The following FCGR2B variants were observed in gnomAD, a reference collection of about 807,000 sequenced individuals.
The protein encoded by FCGR2B is low affinity immunoglobulin gamma Fc region receptor II-b.
A neutral mutation model predicts 24.8 loss-of-function variants in FCGR2B; 18 were observed. That is an observed-to-expected ratio of 0.73 (90% confidence interval 0.50 to 1.08). The LOEUF (loss-of-function observed/expected upper bound fraction) is 1.08, where lower values mean the gene tolerates loss of function less well. Among genes scored for constraint, FCGR2B ranks in the 50% least tolerant of loss-of-function variants. The pLI, the probability that FCGR2B is intolerant of heterozygous loss-of-function variation, is 0.00. For synonymous variants in FCGR2B, 79 were observed against 109.8 expected (o/e 0.72, Z 1.75); for missense variants, 215 against 297.6 (o/e 0.72, Z 2.04).
At chr1:161,673,890 G>A (rs1176686338) in intron 4 of FCGR2B, 70 bp from the exon 5 acceptor site, 2 of 447,574 alleles carry the variant, frequency 4.5e-6, no homozygotes, top group African/African-American at 4.4e-5. Flanking sequence ...CAAGCACTAG[G>A]ACATAGCATT....
At position 161,673,256 on chromosome 1, in the gene FCGR2B, G is replaced by C; in HGVS notation, c.646+27G>C. On this transcript the variant is annotated intron_variant, in intron 4 of 7. Transcript: ENST00000358671. ...TATGCGGAGTCTGCCAAGATGTAAG[G>C]AGGGGAGAAGAGGGGATGGACAAGG... 4.5e-6 allele frequency: 7 copies of C among 1,539,066 alleles called. 1 individual carries two copies. Among genetic ancestry groups the C allele is most frequent in the Non-Finnish European group, 6.2e-6 (7 of 1,132,312 alleles).
At chr1:161,661,064 A>G (rs1330573540), upstream of FCGR2B, among the ~76,000 whole-genome samples, 1 of 44,708 alleles carries the variant, frequency 2.2e-5, no homozygotes, top group Non-Finnish European at 4.6e-5. Context: ...ACAGAGTGAG[A>G]CTCTGGCAAG....
intron 6 of FCGR2B, 163 bp from the exon 7 acceptor site, chr1:161,677,165 A>G (rs200347687): frequency 2.6e-5 from 18 of 702,762 alleles, no homozygotes; most frequent in African/African-American, 1.5e-4. Context: ...GCATCGATCA[A>G]TGAGGTCATA....
intron 2 of FCGR2B, among the ~76,000 whole-genome samples, 153 bp from the exon 3 acceptor site, chr1:161,671,239 A>G (rs1455868853): frequency 6.6e-6 from 1 of 152,094 alleles, no homozygotes; most frequent in African/African-American, 2.4e-5. Context: ...GTATGAGCAA[A>G]AGCAACTGCC....
intron 3 of FCGR2B, chr1:161,671,883 C>A: frequency 2.7e-6 from 2 of 745,090 alleles, no homozygotes; most frequent in South Asian, 2.0e-5. Flanking sequence ...ATCCCTACTG[C>A]ATAAAACCCA....
the FCGR2B span, among the ~76,000 whole-genome samples, chr1:161,652,354 T>TTTTTTTTTC: frequency 7.5e-6 from 1 of 133,412 alleles, no homozygotes. Context: ...AGTACTGATT[T>TTTTTTTTTC]TTTTTTTTCT....
At chr1:161,647,879 T>C in the FCGR2B span, among the ~76,000 whole-genome samples, 65 of 151,108 alleles carry the variant, frequency 4.3e-4, 2 homozygotes, top group African/African-American at 1.4e-3. Context: ...TGTTCATAAA[T>C]GGGGCATGTC....
chr1:161,671,599 A>G lies in FCGR2B; in HGVS notation c.341A>G (p.Gln114Arg). ...AATGACAGCGGGGAGTACACGTGCC[A>G]GACTGGCCAGACCAGCCTCAGCGAC... is the stretch of plus-strand genomic sequence containing the variant. ...NNNDSGEYTC[Q>R]TGQTSLSDPV... The change falls in exon 3 of 8, where the codon CAG becomes CGG. Residue 114 changes from glutamine (Q) to arginine (R), a missense_variant. Physicochemically the swap from Gln to Arg is conservative, Grantham distance 43. This residue lies in a region of FCGR2B where 39 missense variants were observed against 73.3 expected (regional missense o/e 0.53). Transcript: ENST00000358671. 1.2e-6 allele frequency: 2 copies of G among 1,614,098 alleles called. No homozygotes were observed. Among genetic ancestry groups the G allele is most frequent in the Non-Finnish European group, 8.5e-7 (1 of 1,179,988 alleles).
intron 1 of FCGR2B, among the ~76,000 whole-genome samples, chr1:161,663,748 TAGGG>T (rs2102646010): frequency 6.6e-6 from 1 of 152,334 alleles, no homozygotes; most frequent in South Asian, 2.1e-4. Context: ...GGGTAAGGGG[TAGGG>T]AGGAAGTTGT....
intron 5 of FCGR2B, chr1:161,674,755 G>C (rs1681971276): frequency 6.4e-6 from 1 of 157,138 alleles, no homozygotes; most frequent in South Asian, 2.0e-4. Flanking sequence ...CGCTTAGCTA[G>C]GGAAGGAGGA....
chr1:161,661,204 A>T (rs1397491248), upstream of FCGR2B, among the ~76,000 whole-genome samples: 4 of 69,838 alleles, frequency 5.7e-5, no homozygotes, highest in African/African-American at 2.7e-4. Context: ...GAAAGAAAGA[A>T]AGAAAGAAAG....
At chr1:161,647,942 C>T in the FCGR2B span, among the ~76,000 whole-genome samples, 2 of 150,798 alleles carry the variant, frequency 1.3e-5, no homozygotes, top group African/African-American at 2.5e-5. Flanking sequence ...GACGACCCTT[C>T]GTCTTGTGAA....
chr1:161,648,076 AT>A, the FCGR2B span, among the ~76,000 whole-genome samples: 11 of 150,676 alleles, frequency 7.3e-5, no homozygotes, highest in African/African-American at 2.7e-4. Context: ...AAACATGGCA[AT>A]AGCATGGCAA....
At chr1:161,677,238 T>C (rs1557904545) in intron 6 of FCGR2B, 90 bp from the exon 7 acceptor site, 1 of 1,275,390 alleles carries the variant, frequency 7.8e-7, no homozygotes, top group Non-Finnish European at 1.1e-6. Context: ...TGGCTCTAGT[T>C]TGGGCGTTGG....
intron 6 of FCGR2B, chr1:161,676,097 A>G: frequency 8.7e-6 from 2 of 230,722 alleles, no homozygotes; most frequent in Non-Finnish European, 8.6e-6. Flanking sequence ...GAGTGTGTAA[A>G]GGAACTTCCA....
rs1409866812 is a variant in FCGR2B at position 161,675,298 on chromosome 1, C to T, written c.802C>T (p.Leu268Phe). Residue 268 changes from leucine to phenylalanine, a missense_variant, in exon 6 of 8, where the codon CTC becomes TTC. Coordinates refer to ENST00000358671, the MANE Select transcript of FCGR2B (RefSeq NM_001394477.1). ...TGAGTGCAGGGAAATGGGAGAGACC[C>T]TCCCTGAGAAACCAGGTGAGTACAG... Reference protein sequence around the residue: ...YPECREMGETLPEKPANPTNP... With the variant: ...YPECREMGETFPEKPANPTNP... The T allele has an allele frequency of 3.7e-6, 6 of 1,603,546 alleles. No individual in the cohort carries two copies. The highest frequency in any genetic ancestry group is 4.3e-6 in the Non-Finnish European group (5 of 1,175,206).
intron 3 of FCGR2B, 44 bp from the exon 4 acceptor site, chr1:161,672,931 A>G: frequency 1.2e-6 from 2 of 1,611,696 alleles, no homozygotes; most frequent in Non-Finnish European, 1.7e-6. Context: ...CTCAGAGCTG[A>G]GCCAAGACCT....
At chr1:161,649,453 T>C in the FCGR2B span, among the ~76,000 whole-genome samples, 1 of 151,088 alleles carries the variant, frequency 6.6e-6, no homozygotes, top group Non-Finnish European at 1.5e-5. Flanking sequence ...TCTACCCTGC[T>C]GTCATCTTCA....
Position 161,677,418 on chromosome 1 carries a change from T to G in FCGR2B, c.855+53T>G. 3 of 1,611,384 alleles carry G rather than the reference T, an allele frequency of 1.9e-6. No individual in the cohort carries two copies. The East Asian group carries it at 6.7e-5, about 36-fold the overall frequency. ...CCTTCTCCCCTGTTGCCTTTTCTGT[T>G]GCCTTCTTTCCTAGGCCCTCTCTGT... is the stretch of plus-strand genomic sequence containing the variant. On this transcript the variant is annotated intron_variant, in intron 7 of 7. Transcript: ENST00000358671.
Sources: allele counts gnomAD v4.1 joint callset (sites outside exome capture counted in the v4.1 genomes callset), GRCh38; gene constraint gnomAD v4.1.1; regional missense constraint gnomAD v4.1.1; transcripts MANE v1.5; gene names NCBI Gene and HGNC (gene_info 2026-07-23, HGNC 2026-07-21).